Variants in DRGX observed in about 807,000 individuals in gnomAD.
DRGX encodes dorsal root ganglia homeobox.
Under a neutral mutation model 28.6 loss-of-function variants are expected in DRGX, and 21 were observed. The ratio of observed to expected loss-of-function variants is 0.73; its 90% confidence interval spans 0.52 to 1.06. The LOEUF (loss-of-function observed/expected upper bound fraction) is 1.06, where lower values mean the gene tolerates loss of function less well. DRGX is among the 50% of genes least tolerant of loss of function. DRGX has a pLI of 0.00. For synonymous variants in DRGX, 136 were observed against 139.1 expected (o/e 0.98, Z 0.16); for missense variants, 354 against 343.9 (o/e 1.03, Z -0.23).
intron 6 of DRGX, among the ~76,000 whole-genome samples, chr10:49,380,713 A>C (rs552652820): frequency 6.6e-6 from 1 of 152,354 alleles, no homozygotes; most frequent in East Asian, 1.9e-4. Flanking sequence ...TGGAGCAACA[A>C]GGATTACAAG....
chr10:49,371,850 C>T (rs1223412874), intron 6 of DRGX, among the ~76,000 whole-genome samples: 1 of 148,320 alleles, frequency 6.7e-6, no homozygotes, highest in Non-Finnish European at 1.5e-5. Flanking sequence ...GTCCCAGCTA[C>T]TAGGACCCTC....
In DRGX at chr10:49,364,830, A is replaced by C. The variant is rs1849581976; in HGVS notation, c.*1286T>G. The C allele has an allele frequency of 6.6e-6, 1 of 152,232 alleles. No individual in the cohort carries two copies. The highest frequency in any genetic ancestry group is 6.5e-5 in the Admixed American group (1 of 15,288). The allele number at this position is 152,232 out of a possible 1,614,324, so 9.4% of individuals were successfully genotyped here. ...AAAACATTTTGACGATAATAACTGA[A>C]ACCAAAATAACCATCATGAAGGCAA... On this transcript the variant is annotated 3_prime_UTR_variant, in exon 7 of 7. Coordinates refer to ENST00000374139, the MANE Select transcript of DRGX (RefSeq NM_001276451.2).
intron 2 of DRGX, among the ~76,000 whole-genome samples, chr10:49,393,267 A>G (rs1849929826): frequency 6.6e-6 from 1 of 152,268 alleles, no homozygotes; most frequent in African/African-American, 2.4e-5. Context: ...TACAAAGTAA[A>G]AAAAGCAAAG....
intron 2 of DRGX, among the ~76,000 whole-genome samples, chr10:49,394,101 G>A (rs937053377): frequency 4.6e-5 from 7 of 152,236 alleles, no homozygotes; most frequent in Middle Eastern, 3.4e-3. Flanking sequence ...GGGGATGCAC[G>A]TCTCCCACCC....
Position 49,364,301 on chromosome 10 carries a change from A to G in DRGX, c.*1815T>C, listed in dbSNP as rs1191149791. On this transcript the variant is annotated 3_prime_UTR_variant, in exon 7 of 7. Coordinates refer to ENST00000374139, the MANE Select transcript of DRGX (RefSeq NM_001276451.2). ...TTAAATCAGTGCTTCGTGGTAATAC[A>G]TAATTTCTTATCAATTATTCATGCT... 1 of 152,218 alleles carries G rather than the reference A, an allele frequency of 6.6e-6. No homozygotes were observed. Among genetic ancestry groups the G allele is most frequent in the African/African-American group, 2.4e-5 (1 of 41,450 alleles). 9.4% of individuals were successfully genotyped at this position (152,218 alleles called of 1,614,324 possible). A position where few individuals can be genotyped will look rare whatever the true frequency, so the allele number is the denominator to read the frequency against.
chr10:49,393,632 G>A (rs961425696), intron 2 of DRGX, among the ~76,000 whole-genome samples: 1 of 152,224 alleles, frequency 6.6e-6, no homozygotes, highest in East Asian at 1.9e-4. Context: ...CCAAGGGTCT[G>A]TTCTCAACTT....
intron 2 of DRGX, among the ~76,000 whole-genome samples, chr10:49,393,041 A>T (rs1392410582): frequency 1.3e-5 from 2 of 152,240 alleles, no homozygotes; most frequent in Non-Finnish European, 2.9e-5. Flanking sequence ...ATGTAAGTAC[A>T]CATACAGGTA....
chr10:49,395,220 G>A (rs1026017840), intron 2 of DRGX, among the ~76,000 whole-genome samples, 187 bp downstream of exon 2: 7 of 152,124 alleles, frequency 4.6e-5, no homozygotes, highest in Admixed American at 1.3e-4. Flanking sequence ...AGGTGGCGAC[G>A]GGGCGGGGAG....
At chr10:49,395,059 G>A (rs61848644) in intron 2 of DRGX, among the ~76,000 whole-genome samples, 22,272 of 152,276 alleles carry the variant, frequency 0.15, 2,073 homozygotes, top group African/African-American at 0.26. Flanking sequence ...GATGTTTGCA[G>A]AAGCACCGTG....
intron 2 of DRGX, among the ~76,000 whole-genome samples, chr10:49,394,425 A>C (rs991218066): frequency 4.6e-5 from 7 of 152,180 alleles, no homozygotes; most frequent in Non-Finnish European, 1.0e-4. Flanking sequence ...TGGCTTCCCA[A>C]ATTCTCCCAC....
chr10:49,386,645 C>T, intron 5 of DRGX, 35 bp downstream of exon 5: 3 of 1,576,382 alleles, frequency 1.9e-6, no homozygotes, highest in South Asian at 1.2e-5. Flanking sequence ...CAGTGCTGCC[C>T]ATGGCCCACC....
At chr10:49,366,831 G>A (rs1298532615) in intron 6 of DRGX, among the ~76,000 whole-genome samples, 2 of 152,200 alleles carry the variant, frequency 1.3e-5, no homozygotes, top group African/African-American at 4.8e-5. Flanking sequence ...CACATGTCAG[G>A]TGCCGGGCAA....
chr10:49,380,656 G>T (rs1022407462), intron 6 of DRGX, among the ~76,000 whole-genome samples: 1 of 152,168 alleles, frequency 6.6e-6, no homozygotes, highest in Non-Finnish European at 1.5e-5. Flanking sequence ...AAGCCCCAGG[G>T]AGCCCCAACC....
intron 6 of DRGX, among the ~76,000 whole-genome samples, chr10:49,381,486 C>T (rs1849775806): frequency 1.3e-5 from 2 of 152,272 alleles, no homozygotes; most frequent in Admixed American, 1.3e-4. Flanking sequence ...CCAGCACCAA[C>T]CCTGCTGTGC....
intron 6 of DRGX, among the ~76,000 whole-genome samples, chr10:49,379,607 G>A (rs1849752751): frequency 6.6e-6 from 1 of 152,190 alleles, no homozygotes; most frequent in Admixed American, 6.5e-5. Flanking sequence ...GCCTGGCCTG[G>A]AAGTCCAAGG....
intron 2 of DRGX, among the ~76,000 whole-genome samples, chr10:49,392,256 A>G (rs984010221): frequency 2.0e-5 from 3 of 152,260 alleles, no homozygotes; most frequent in African/African-American, 7.2e-5. Flanking sequence ...GTCCCAGACA[A>G]GGACCCTCAG....
chr10:49,395,200 G>T (rs1311134366), intron 2 of DRGX, among the ~76,000 whole-genome samples: 1 of 152,184 alleles, frequency 6.6e-6, no homozygotes, highest in Non-Finnish European at 1.5e-5. Context: ...CGGGGAGGGA[G>T]CTGGGAGGCA....
intron 6 of DRGX, among the ~76,000 whole-genome samples, chr10:49,372,518 C>G (rs1849671393): frequency 6.6e-6 from 1 of 152,172 alleles, no homozygotes; most frequent in African/African-American, 2.4e-5. Flanking sequence ...CTATAAAGCA[C>G]CTGGTACTTA....
intron 6 of DRGX, among the ~76,000 whole-genome samples, chr10:49,374,802 T>C (rs766960673): frequency 1.2e-4 from 18 of 152,248 alleles, no homozygotes; most frequent in Non-Finnish European, 2.6e-4. Flanking sequence ...ATCATTAAGG[T>C]ATGTAGACTC....
Sources: allele counts gnomAD v4.1 joint callset (sites outside exome capture counted in the v4.1 genomes callset), GRCh38; gene constraint gnomAD v4.1.1; transcripts MANE v1.5; gene names NCBI Gene and HGNC (gene_info 2026-07-23, HGNC 2026-07-21).